NPTX2: variants seen among roughly 807,000 people sequenced by gnomAD.
NPTX2 encodes the protein neuronal pentraxin 2, also known as neuronal pentraxin-2.
A neutral mutation model predicts 38.1 loss-of-function variants in NPTX2; 23 were observed. The observed-to-expected ratio is 0.60, with a 90% confidence interval of 0.43 to 0.85. NPTX2 has a LOEUF of 0.85. Ranked by LOEUF, NPTX2 falls within the 40% of genes least tolerant of loss-of-function variation. The pLI is 0.00. For synonymous variants in NPTX2, 291 were observed against 287.3 expected (o/e 1.01, Z -0.13); for missense variants, 553 against 615.3 (o/e 0.90, Z 1.07).
rs750620530 is a variant in NPTX2, at chr7:98,628,506, C to G, written c.1173C>G (p.Ile391Met). 5 of 1,610,360 alleles carry G rather than the reference C, an allele frequency of 3.1e-6. No individual in the cohort carries two copies. The highest frequency in any genetic ancestry group is 1.7e-5 in the Admixed American group (1 of 59,850). Residue 391 changes from isoleucine (I) to methionine (M), a missense_variant, in exon 5 of 5, where the codon ATC becomes ATG. Coordinates refer to ENST00000265634, the MANE Select transcript of NPTX2 (RefSeq NM_002523.3). ...TTCGCGCACAAGAAATTGTCAACAT[C>G]GCCAACTGCTCCACAAACATGCCGG... ...RVLRAQEIVN[I>M]ANCSTNMPGN...
At chr7:98,619,592 A>G (rs1791238201) in intron 1 of NPTX2, 51 bp from the exon 2 acceptor site, 1 of 1,508,838 alleles carries the variant, frequency 6.6e-7, no homozygotes, top group African/African-American at 1.4e-5. Flanking sequence ...ACATTTCACA[A>G]TTTCTTTTTA....
At chr7:98,618,669 A>G (rs1040939928) in intron 1 of NPTX2, among the ~76,000 whole-genome samples, 13 of 147,622 alleles carry the variant, frequency 8.8e-5, no homozygotes, top group African/African-American at 3.2e-4. Context: ...TGGAACTTTG[A>G]GAGAAAAATC....
At chr7:98,621,108 CCTT>C (rs1187610112) in intron 2 of NPTX2, among the ~76,000 whole-genome samples, 2 of 152,156 alleles carry the variant, frequency 1.3e-5, no homozygotes, top group Non-Finnish European at 2.9e-5. Context: ...TGCACCTCCT[CCTT>C]CTCTTTCTCT....
rs186876608 is a variant in NPTX2, at chr7:98,619,637, T to C, written c.427-6T>C. On this transcript the variant is annotated splice_region_variant and splice_polypyrimidine_tract_variant and intron_variant, in intron 1 of 4. Transcript: ENST00000265634. ...GTGCCCCTCCCTCCTCCCCGGTGGC[T>C]GAAAGCACCAGCTCAGAGCAAACGT... 448 of 1,603,960 alleles carry C rather than the reference T, an allele frequency of 2.8e-4. 2 individuals carry two copies. In the East Asian group the frequency reaches 4.4e-3, roughly 16 times the overall value.
At chr7:98,624,788 T>A in intron 2 of NPTX2, 134 bp from the exon 3 acceptor site, 2 of 1,098,384 alleles carry the variant, frequency 1.8e-6, no homozygotes, top group Non-Finnish European at 2.6e-6. Context: ...CGGTCTTTGG[T>A]CGCTTGCTGG....
intron 2 of NPTX2, among the ~76,000 whole-genome samples, chr7:98,620,912 G>A (rs1791260662): frequency 6.6e-6 from 1 of 152,198 alleles, no homozygotes; most frequent in South Asian, 2.1e-4. Flanking sequence ...GCCATGAGGA[G>A]GTGGGTAAAT....
intron 2 of NPTX2, among the ~76,000 whole-genome samples, chr7:98,621,198 G>A (rs890115247): frequency 6.6e-6 from 1 of 152,058 alleles, no homozygotes; most frequent in Non-Finnish European, 1.5e-5. Flanking sequence ...CCCAGAAGCT[G>A]CCACTTTGTG....
At chr7:98,625,212 G>C in intron 3 of NPTX2, 46 bp downstream of exon 3, 1 of 1,544,002 alleles carries the variant, frequency 6.5e-7, no homozygotes, top group African/African-American at 1.4e-5. Context: ...CCATCATGTG[G>C]TGGAGGGAGC....
chr7:98,618,600 C>T (rs1278127176), intron 1 of NPTX2, among the ~76,000 whole-genome samples: 2 of 118,240 alleles, frequency 1.7e-5, no homozygotes, highest in Admixed American at 1.7e-4. Context: ...CTCCGTCCCC[C>T]CCCCCCGCCC....
At chr7:98,620,125 T>G (rs1402485345) in intron 2 of NPTX2, 2 of 506,548 alleles carry the variant, frequency 3.9e-6, no homozygotes, top group East Asian at 3.6e-5. Context: ...CTTTGTTAAC[T>G]AGTCCTGGCA....
At position 98,617,952 on chromosome 7, in the gene NPTX2, C is replaced by T. The variant is rs990934011; in HGVS notation, c.426+65C>T. 31 of 1,492,022 alleles carry T rather than the reference C, an allele frequency of 2.1e-5. No homozygotes were observed. The African/African-American group carries it at 4.0e-4, about 19-fold the overall frequency. The allele number at this position is 1,492,022 out of a possible 1,614,324, so 92.4% of individuals were successfully genotyped here. A position where few individuals can be genotyped will look rare whatever the true frequency, so the allele number is the denominator to read the frequency against. On this transcript the variant is annotated intron_variant, in intron 1 of 4. Transcript: ENST00000265634. ...ACGCTCCCGAGTCGGGGGCGGAAGA[C>T]TCGGGAGGATGGGGAAAGGGGGCCT...
intron 3 of NPTX2, among the ~76,000 whole-genome samples, chr7:98,625,826 A>G (rs1791338153): frequency 6.6e-6 from 1 of 151,488 alleles, no homozygotes; most frequent in South Asian, 2.1e-4. Context: ...TTCTTAATAG[A>G]CTGCTTGGTT....
rs372557301 is a variant in NPTX2 at position 98,625,056 on chromosome 7, G to A, written c.778G>A (p.Ala260Thr). 132 of 1,613,434 alleles carry A rather than the reference G, an allele frequency of 8.2e-5. No homozygotes were observed. The highest frequency in any genetic ancestry group is 5.6e-4 in the African/African-American group (42 of 75,060). Residue 260 changes from alanine to threonine, a missense_variant, in exon 3 of 5, where the codon GCC (alanine) becomes ACC (threonine). Ala to Thr is a moderately conservative substitution (Grantham distance 58). Coordinates refer to ENST00000265634, the MANE Select transcript of NPTX2 (RefSeq NM_002523.3). ...CATCTGCCTGTGGCTGCGGTCCAGC[G>A]CCTCACCAGGCATTGGCACCCCCTT... ...FTICLWLRSSASPGIGTPFSY... is the reference protein window; with the variant it reads ...FTICLWLRSSTSPGIGTPFSY...
At position 98,629,245 on chromosome 7, in the gene NPTX2, G is replaced by C. The variant is rs2115641147; in HGVS notation, c.*616G>C. The C allele has an allele frequency of 6.5e-6, 1 of 152,790 alleles. No homozygotes were observed. Among genetic ancestry groups the C allele is most frequent in the Middle Eastern group, 3.4e-3 (1 of 294 alleles). The allele number at this position is 152,790 out of a possible 1,614,324, so 9.5% of individuals were successfully genotyped here. ...GAGGGGCTGTCTGTGTCTCCAGAAA[G>C]GGGACATCGGGGGGGAGGGGGGCTC... is the stretch of plus-strand genomic sequence containing the variant. On this transcript the variant is annotated 3_prime_UTR_variant, in exon 5 of 5. Coordinates refer to ENST00000265634, the MANE Select transcript of NPTX2 (RefSeq NM_002523.3).
Position 98,628,486 on chromosome 7 carries a change from G to T in NPTX2, c.1153G>T (p.Ala385Ser). 1 of 1,611,050 alleles carries T rather than the reference G, an allele frequency of 6.2e-7. No individual in the cohort carries two copies. ...CAACATATGGGACCGCGTCCTTCGC[G>T]CACAAGAAATTGTCAACATCGCCAA... ...QFNIWDRVLRAQEIVNIANCS... is the reference protein window; with the variant it reads ...QFNIWDRVLRSQEIVNIANCS... Residue 385 changes from alanine to serine, a missense_variant, in exon 5 of 5, where the codon GCA becomes TCA. Transcript: ENST00000265634.
Position 98,628,849 on chromosome 7 carries a change from G to A in NPTX2, c.*220G>A, listed in dbSNP as rs1020090689. The A allele has an allele frequency of 4.7e-6, 2 of 421,164 alleles. No individual in the cohort carries two copies. The highest frequency in any genetic ancestry group is 3.9e-5 in the Admixed American group (1 of 25,570). The allele number at this position is 421,164 out of a possible 1,614,324, so 26.1% of individuals were successfully genotyped here. A position where few individuals can be genotyped will look rare whatever the true frequency, so the allele number is the denominator to read the frequency against. Reference sequence around the variant, plus strand: ...TTTGAAGTAGTGCCAGGGTCCCCTGGGAAGATGCCCCCAAGACACCTGCCC... The same window carrying A: ...TTTGAAGTAGTGCCAGGGTCCCCTGAGAAGATGCCCCCAAGACACCTGCCC... On this transcript the variant is annotated 3_prime_UTR_variant, in exon 5 of 5. Transcript: ENST00000265634.
chr7:98,626,681 C>A (rs1273509447), intron 3 of NPTX2, among the ~76,000 whole-genome samples: 4 of 152,218 alleles, frequency 2.6e-5, no homozygotes, highest in Admixed American at 1.3e-4. Flanking sequence ...CGTCCTCCCC[C>A]CAGTTCCTCA....
At chr7:98,619,573 A>G in intron 1 of NPTX2, 70 bp from the exon 2 acceptor site, 1 of 1,360,046 alleles carries the variant, frequency 7.4e-7, no homozygotes, top group Non-Finnish European at 1.0e-6. Context: ...TGGTCGGGCC[A>G]TCACAGCCAC....
At position 98,628,465 on chromosome 7, in the gene NPTX2, A is replaced by G. The variant is rs925568540; in HGVS notation, c.1132A>G (p.Ile378Val). 44 of 1,612,204 alleles carry G rather than the reference A, an allele frequency of 2.7e-5. No homozygotes were observed. The highest frequency in any genetic ancestry group is 3.5e-5 in the Non-Finnish European group (41 of 1,178,946). The change falls in exon 5 of 5, where the codon ATA becomes GTA. Residue 378 changes from isoleucine to valine, a missense_variant. Transcript: ENST00000265634. ...TGTCGGGGAGCTCAGCCAGTTCAACATATGGGACCGCGTCCTTCGCGCACA... is the reference window on the plus strand; with the variant it reads ...TGTCGGGGAGCTCAGCCAGTTCAACGTATGGGACCGCGTCCTTCGCGCACA... Reference protein sequence around the residue: ...AFVGELSQFNIWDRVLRAQEI... With the variant: ...AFVGELSQFNVWDRVLRAQEI...
Sources: allele counts gnomAD v4.1 joint callset (sites outside exome capture counted in the v4.1 genomes callset), GRCh38; gene constraint gnomAD v4.1.1; transcripts MANE v1.5; gene names NCBI Gene and HGNC (gene_info 2026-07-23, HGNC 2026-07-21).